ZPBP: variants seen among roughly 807,000 people sequenced by gnomAD.
ZPBP encodes the protein zona pellucida binding protein.
Under a neutral mutation model 44.8 loss-of-function variants are expected in ZPBP, and 26 were observed. That is an observed-to-expected ratio of 0.58 (90% CI 0.43 to 0.81). The LOEUF is 0.81. Ranked by LOEUF, ZPBP falls within the 30% of genes least tolerant of loss-of-function variation. The probability of loss-of-function intolerance (pLI) is 0.00; values close to 1 mark genes in which losing one functional copy is unlikely to be tolerated. For missense variants in ZPBP, 409 were observed against 434.0 expected (o/e 0.94, Z 0.51); for synonymous variants, 174 against 153.2 (o/e 1.14, Z -1.00).
intron 2 of ZPBP, among the ~76,000 whole-genome samples, chr7:49,888,267 T>C (rs1430549473): frequency 1.3e-5 from 2 of 152,246 alleles, no homozygotes; most frequent in Non-Finnish European, 2.9e-5. Flanking sequence ...ATCCTGCTCC[T>C]AATTCTACTT....
chr7:49,870,806 T>C (rs1791117987), intron 2 of ZPBP, among the ~76,000 whole-genome samples: 1 of 152,174 alleles, frequency 6.6e-6, no homozygotes, highest in African/African-American at 2.4e-5. Context: ...AAAAGGAATA[T>C]AGACTGTGTA....
chr7:49,884,321 A>G (rs1164212732), intron 2 of ZPBP, among the ~76,000 whole-genome samples: 1 of 152,244 alleles, frequency 6.6e-6, no homozygotes, highest in East Asian at 1.9e-4. Context: ...TGGAGAGCCA[A>G]TCACTGAGTT....
At chr7:50,024,980 T>G (rs1042157089) in intron 5 of ZPBP, among the ~76,000 whole-genome samples, 7 of 151,934 alleles carry the variant, frequency 4.6e-5, no homozygotes, top group South Asian at 2.1e-4. Flanking sequence ...TAGTTAAAAA[T>G]TGTTTTAAAA....
chr7:49,971,242 AG>A (rs1796294383), intron 7 of ZPBP, among the ~76,000 whole-genome samples: 1 of 152,192 alleles, frequency 6.6e-6, no homozygotes, highest in Non-Finnish European at 1.5e-5. Flanking sequence ...AACCAGGAAA[AG>A]GAGAGGAAAC....
At chr7:50,040,195 A>T (rs1231575611) in intron 4 of ZPBP, among the ~76,000 whole-genome samples, 1 of 152,264 alleles carries the variant, frequency 6.6e-6, no homozygotes, top group South Asian at 2.1e-4. Context: ...GTCAGACTAG[A>T]TTTAAAAAGT....
chr7:49,993,711 C>T (rs1322122556), intron 6 of ZPBP, among the ~76,000 whole-genome samples: 3 of 152,100 alleles, frequency 2.0e-5, no homozygotes, highest in African/African-American at 7.2e-5. Context: ...TAAAAGGGTT[C>T]AGTGTGGGTT....
At chr7:50,082,962 A>G (rs931569541) in intron 2 of ZPBP, among the ~76,000 whole-genome samples, 2 of 151,876 alleles carry the variant, frequency 1.3e-5, no homozygotes, top group South Asian at 4.2e-4. Context: ...TCTTTTGCAT[A>G]TATCTCACTA....
chr7:49,934,332 T>C (rs1794555185), downstream of ZPBP, among the ~76,000 whole-genome samples: 1 of 152,178 alleles, frequency 6.6e-6, no homozygotes, highest in Non-Finnish European at 1.5e-5. Flanking sequence ...ATTGGAGAGA[T>C]AAGCAATGTC....
intron 6 of ZPBP, among the ~76,000 whole-genome samples, chr7:50,007,913 A>G (rs1050738886): frequency 7.2e-5 from 11 of 152,060 alleles, no homozygotes; most frequent in Non-Finnish European, 1.5e-4. Flanking sequence ...CACTAACATC[A>G]TACTCAATAT....
intron 1 of ZPBP, among the ~76,000 whole-genome samples, chr7:49,926,622 T>A (rs938097870): frequency 1.3e-5 from 2 of 152,186 alleles, no homozygotes; most frequent in African/African-American, 4.8e-5. Context: ...CAGAGACCCA[T>A]CCCACTGCCT....
intron 7 of ZPBP, among the ~76,000 whole-genome samples, chr7:49,958,793 C>T (rs184421357): frequency 1.9e-3 from 283 of 152,244 alleles, no homozygotes; most frequent in Admixed American, 3.1e-3. Flanking sequence ...CATTAAATAT[C>T]GGAGGACAAA....
intron 7 of ZPBP, among the ~76,000 whole-genome samples, chr7:49,981,625 T>TATA (rs1405335258): frequency 0.023 from 1,354 of 60,020 alleles, 196 homozygotes; most frequent in East Asian, 0.024. Flanking sequence ...TATTATATTA[T>TATA]ATTATATTAT....
chr7:49,994,041 C>A (rs996970706), intron 6 of ZPBP, among the ~76,000 whole-genome samples: 1 of 152,176 alleles, frequency 6.6e-6, no homozygotes, highest in African/African-American at 2.4e-5. Flanking sequence ...ATCTTTGTCA[C>A]CAAATTTCCA....
chr7:50,062,245 C>A (rs1398145897), intron 3 of ZPBP, among the ~76,000 whole-genome samples: 1 of 152,136 alleles, frequency 6.6e-6, no homozygotes, highest in African/African-American at 2.4e-5. Context: ...AATAACCATA[C>A]TACCCAAAAC....
rs183017042 is a variant in ZPBP, at chr7:49,865,600, C to G, written n.510-15086G>C. On this transcript the variant is annotated intron_variant and non_coding_transcript_variant, in intron 2 of 2. Coordinates refer to the ZPBP transcript ENST00000465922. The stretch of plus-strand genomic sequence containing the variant: ...GACTCCAAAAAGCATCAAGAGAGGG[C>G]AAACTCCAATATGCAAGTATTTTTG... Among the ~76,000 whole-genome samples, 3 of 152,324 alleles carry G rather than the reference C, an allele frequency of 2.0e-5. No individual in the cohort carries two copies. In the East Asian group the frequency reaches 5.8e-4, roughly 29 times the overall value.
At chr7:49,946,587 G>T (rs1795113074) in intron 7 of ZPBP, among the ~76,000 whole-genome samples, 1 of 151,974 alleles carries the variant, frequency 6.6e-6, no homozygotes, top group East Asian at 1.9e-4. Flanking sequence ...GAGCTCCATT[G>T]TATGTTGTTT....
chr7:49,911,983 T>C (rs758083742), intron 1 of ZPBP: 6 of 1,430,052 alleles, frequency 4.2e-6, no homozygotes, highest in Non-Finnish European at 5.6e-6. Flanking sequence ...TAATTATATA[T>C]ATTATATATT....
At chr7:50,007,449 T>C (rs1798359587) in intron 6 of ZPBP, among the ~76,000 whole-genome samples, 1 of 152,032 alleles carries the variant, frequency 6.6e-6, no homozygotes, top group African/African-American at 2.4e-5. Flanking sequence ...TCGGTAACAA[T>C]GTCACTGATC....
intron 2 of ZPBP, among the ~76,000 whole-genome samples, chr7:50,089,402 T>C (rs1429656664): frequency 2.0e-5 from 3 of 152,060 alleles, no homozygotes; most frequent in African/African-American, 7.2e-5. Context: ...CAACTTTAGA[T>C]AACTTTTAGA....
Sources: allele counts gnomAD v4.1 joint callset (sites outside exome capture counted in the v4.1 genomes callset), GRCh38; gene constraint gnomAD v4.1.1; transcripts MANE v1.5; gene names NCBI Gene and HGNC (gene_info 2026-07-23, HGNC 2026-07-21).